CLIP1: variants seen among roughly 807,000 people sequenced by gnomAD.
CLIP1 encodes the protein CAP-Gly domain containing linker protein 1.
CLIP1 carries 66 observed loss-of-function variants against 161.6 expected under a neutral mutation model. The ratio of observed to expected loss-of-function variants is 0.41; its 90% confidence interval spans 0.33 to 0.50. The LOEUF is 0.50. CLIP1 is among the 20% of genes least tolerant of loss of function. The pLI is 0.27. For missense variants in CLIP1, 1,376 were observed against 1,702.0 expected (o/e 0.81, Z 3.37); for synonymous variants, 598 against 626.2 (o/e 0.96, Z 0.67).
At chr12:122,395,339 C>G (rs1359680012) in intron 1 of CLIP1, 1 of 152,102 alleles carries the variant, frequency 6.6e-6, no homozygotes, top group African/African-American at 2.4e-5. Flanking sequence ...TACTTTTTAT[C>G]TATAAGAAGT....
At chr12:122,278,720 G>T in intron 23 of CLIP1, 72 bp downstream of exon 23, 1 of 1,450,944 alleles carries the variant, frequency 6.9e-7, no homozygotes, top group Non-Finnish European at 9.2e-7. Context: ...TCTTCGAAGA[G>T]CATCTCTACT....
At chr12:122,401,317 A>C (rs1415713871) in intron 1 of CLIP1, among the ~76,000 whole-genome samples, 1 of 152,192 alleles carries the variant, frequency 6.6e-6, no homozygotes, top group Non-Finnish European at 1.5e-5. Flanking sequence ...TGAGCCCAGG[A>C]GTTCAATACC....
intron 1 of CLIP1, chr12:122,399,778 T>A (rs905954459): frequency 1.3e-5 from 2 of 152,174 alleles, no homozygotes. Flanking sequence ...TGAAGTGACT[T>A]ACCTGTGCAC....
At chr12:122,284,473 C>T (rs1955772078) in intron 21 of CLIP1, among the ~76,000 whole-genome samples, 1 of 152,116 alleles carries the variant, frequency 6.6e-6, no homozygotes, top group Non-Finnish European at 1.5e-5. Context: ...CTGCCTCAGC[C>T]TCCTGAGTAG....
intron 20 of CLIP1, among the ~76,000 whole-genome samples, chr12:122,295,843 T>G (rs531582152): frequency 6.6e-6 from 1 of 152,250 alleles, no homozygotes; most frequent in Non-Finnish European, 1.5e-5. Context: ...TGGATTGACA[T>G]TTTTTCGTTG....
At chr12:122,354,429 C>T in intron 7 of CLIP1, 24 bp downstream of exon 7, 4 of 1,589,648 alleles carry the variant, frequency 2.5e-6, no homozygotes, top group Admixed American at 3.3e-5. Context: ...GCCACACTTG[C>T]ACCAGGAAAC....
Position 122,278,176 on chromosome 12 carries a change from T to C in CLIP1, c.3944A>G (p.Asp1315Gly). The change falls in exon 24 of 26, where the codon GAT (aspartate) becomes GGT (glycine). Residue 1315 changes from aspartate (D) to glycine (G), a missense_variant. Asp to Gly is a moderately conservative substitution (Grantham distance 94). Around this residue, in one of 6 missense-constraint regions of CLIP1, gnomAD observed 948 missense variants for 1,134.8 expected, o/e 0.84. Coordinates refer to ENST00000620786, the MANE Select transcript of CLIP1 (RefSeq NM_001247997.2). ...TACCTGACTCTCCTGGGCTCTTTCA[T>C]CCTCGTCTGCCTGAGTGTCTGTATT... ...SGNTDTQADE[D>G]ERAQESQIDF... The C allele has an allele frequency of 6.2e-7, 1 of 1,603,848 alleles. No homozygotes were observed. Among genetic ancestry groups the C allele is most frequent in the Non-Finnish European group, 8.5e-7 (1 of 1,178,106 alleles).
intron 9 of CLIP1, 103 bp downstream of exon 9, chr12:122,351,008 G>A: frequency 1.2e-6 from 1 of 828,318 alleles, no homozygotes; most frequent in South Asian, 1.8e-5. Flanking sequence ...ATGTCCCAAG[G>A]TCAGATTATG....
intron 21 of CLIP1, among the ~76,000 whole-genome samples, chr12:122,288,189 T>G (rs554983193): frequency 6.6e-6 from 1 of 152,150 alleles, no homozygotes; most frequent in Non-Finnish European, 1.5e-5. Flanking sequence ...CCTGCCACTA[T>G]GCCTGGCTAA....
intron 17 of CLIP1, among the ~76,000 whole-genome samples, chr12:122,327,278 C>T (rs974404316): frequency 6.6e-6 from 1 of 151,918 alleles, no homozygotes; most frequent in African/African-American, 2.4e-5. Context: ...AGACCCCATT[C>T]TCTACAAAAA....
intron 3 of CLIP1, among the ~76,000 whole-genome samples, chr12:122,374,750 A>G: frequency 6.6e-6 from 1 of 152,162 alleles, no homozygotes; most frequent in Non-Finnish European, 1.5e-5. Context: ...CAACAGAGCG[A>G]GACTCTGTCT....
At chr12:122,294,350 A>C (rs1013494439) in intron 20 of CLIP1, among the ~76,000 whole-genome samples, 1 of 151,020 alleles carries the variant, frequency 6.6e-6, no homozygotes, top group Non-Finnish European at 1.5e-5. Flanking sequence ...AAAACAAAAA[A>C]AAAAACCCCA....
chr12:122,348,548 C>G (rs577848354), intron 9 of CLIP1, among the ~76,000 whole-genome samples: 29 of 152,260 alleles, frequency 1.9e-4, no homozygotes, highest in African/African-American at 6.7e-4. Flanking sequence ...TGGATGTAGC[C>G]TGATAGGGAA....
chr12:122,336,715 C>A lies in CLIP1; in HGVS notation c.2485G>T (p.Glu829Ter), dbSNP rs748959643. The A allele has an allele frequency of 6.2e-7, 1 of 1,610,062 alleles. No homozygotes were observed. The highest frequency in any genetic ancestry group is 8.5e-7 in the Non-Finnish European group (1 of 1,177,388). ...SSITRELQGR[E>*]LKLTNLQENL... is the part of the protein sequence containing the mutation. The stretch of plus-strand genomic sequence containing the variant: ...TCCTGAAGGTTAGTAAGCTTTAGCT[C>A]TCTCCCCTGGAGCTCTCTGGTAATG... Residue 829 changes from glutamate to a stop codon, truncating the protein, a stop_gained, in exon 12 of 26, where the codon GAG becomes TAG. Coordinates refer to ENST00000620786, the MANE Select transcript of CLIP1 (RefSeq NM_001247997.2). LOFTEE classifies it high-confidence loss of function.
At chr12:122,401,380 T>C (rs777770700) in intron 1 of CLIP1, among the ~76,000 whole-genome samples, 4 of 152,076 alleles carry the variant, frequency 2.6e-5, no homozygotes, top group Non-Finnish European at 5.9e-5. Context: ...AACAAATTAA[T>C]AAAAAGTAGG....
chr12:122,333,143 T>A lies in CLIP1; in HGVS notation c.2711A>T (p.Asp904Val). Residue 904 changes from aspartate to valine, a missense_variant and splice_region_variant, in exon 15 of 26, where the codon GAT becomes GTT. This residue lies in a region of CLIP1 where 948 missense variants were observed against 1,134.8 expected (regional missense o/e 0.84). Coordinates refer to ENST00000620786, the MANE Select transcript of CLIP1 (RefSeq NM_001247997.2). ...TTTCTCTCTAAATTTTGCCTCCATA[T>A]CTAAATATATAGAGAAAAAAAGAAT... is the stretch of plus-strand genomic sequence containing the variant. ...DLEKLRENLA[D>V]MEAKFREKDE... is the part of the protein sequence containing the mutation. The A allele has an allele frequency of 6.2e-7, 1 of 1,607,750 alleles. No homozygotes were observed. Among genetic ancestry groups the A allele is most frequent in the Non-Finnish European group, 8.5e-7 (1 of 1,176,456 alleles).
intron 11 of CLIP1, 73 bp from the exon 12 acceptor site, chr12:122,336,821 TA>T: frequency 1.6e-6 from 1 of 613,290 alleles, no homozygotes; most frequent in Admixed American, 3.1e-5. Context: ...AAGAAAAAAA[TA>T]AACAAATGTA....
chr12:122,281,238 GT>G (rs2136236165), intron 21 of CLIP1, among the ~76,000 whole-genome samples: 1 of 152,324 alleles, frequency 6.6e-6, no homozygotes, highest in African/African-American at 2.4e-5. Context: ...CTGGCAACGG[GT>G]GGGCATCAGT....
intron 11 of CLIP1, among the ~76,000 whole-genome samples, chr12:122,340,423 GT>G (rs1952447088): frequency 6.6e-6 from 1 of 152,156 alleles, no homozygotes; most frequent in Non-Finnish European, 1.5e-5. Flanking sequence ...ACACCATAGT[GT>G]TAGGGCATTC....
Sources: allele counts gnomAD v4.1 joint callset (sites outside exome capture counted in the v4.1 genomes callset), GRCh38; gene constraint gnomAD v4.1.1; regional missense constraint gnomAD v4.1.1; transcripts MANE v1.5; gene names NCBI Gene and HGNC (gene_info 2026-07-23, HGNC 2026-07-21).